The following ORMDL2 variants were observed in gnomAD, a reference collection of about 807,000 sequenced individuals.
The protein encoded by ORMDL2 is ORMDL sphingolipid biosynthesis regulator 2.
A neutral mutation model predicts 13.5 loss-of-function variants in ORMDL2; 11 were observed. That is an observed-to-expected ratio of 0.82 (90% CI 0.51 to 1.35). The LOEUF (loss-of-function observed/expected upper bound fraction) is 1.35. Ranked by LOEUF, ORMDL2 falls within the 40% of genes most tolerant of loss-of-function variation. The pLI is 0.00. For synonymous variants in ORMDL2, 73 were observed against 76.5 expected, an observed-to-expected ratio of 0.95 and a Z score of 0.24; for missense variants, 160 against 191.1, an observed-to-expected ratio of 0.84 and a Z score of 0.96.
In ORMDL2 at chr12:55,821,562, A is replaced by T. The variant is rs1880666427; in HGVS notation, c.*1167A>T. The T allele has an allele frequency of 6.5e-6, 1 of 154,830 alleles. No individual in the cohort carries two copies. Among genetic ancestry groups the T allele is most frequent in the Non-Finnish European group, 1.4e-5 (1 of 69,648 alleles). 9.6% of individuals were successfully genotyped at this position (154,830 alleles called of 1,614,324 possible). A position where few individuals can be genotyped will look rare whatever the true frequency, so the allele number is the denominator to read the frequency against. On this transcript the variant is annotated 3_prime_UTR_variant, in exon 4 of 4. Transcript: ENST00000243045. ...TTCTTTGGTATTGTCAAAAGACAAG[A>T]TTCAGGCCGGGCACAGTGGCTTATG...
chr12:55,820,483 TC>T lies in ORMDL2; in HGVS notation c.*89del. On this transcript the variant is annotated 3_prime_UTR_variant, in exon 4 of 4. Coordinates refer to ENST00000243045, the MANE Select transcript of ORMDL2 (RefSeq NM_014182.5). ...CATCCTTCTCTTATTCTCCATACTG[TC>T]TTCTACACCTTTAAAGCCTGAGAAC... The T allele has an allele frequency of 7.0e-7, 1 of 1,420,568 alleles. No individual in the cohort carries two copies. Among genetic ancestry groups the T allele is most frequent in the Non-Finnish European group, 1.0e-6 (1 of 1,003,714 alleles). 88.0% of individuals were successfully genotyped at this position (1,420,568 alleles called of 1,614,324 possible). A position where few individuals can be genotyped will look rare whatever the true frequency, so the allele number is the denominator to read the frequency against.
At chr12:55,819,515 G>T in intron 3 of ORMDL2, 22 bp downstream of exon 3, 8 of 1,608,250 alleles carry the variant, frequency 5.0e-6, no homozygotes, top group Non-Finnish European at 6.8e-6. Context: ...GGGGAAATGA[G>T]ATATGCTGGG....
Position 55,821,317 on chromosome 12 carries a change from T to C in ORMDL2, c.*922T>C, listed in dbSNP as rs1324180079. On this transcript the variant is annotated 3_prime_UTR_variant, in exon 4 of 4. Coordinates refer to ENST00000243045, the MANE Select transcript of ORMDL2 (RefSeq NM_014182.5). Reference sequence around the variant, plus strand: ...ATGCTTTCTTGTTCTCTTTTAAATATTATATCAGGATAAAGGAGAGGGCTC... The same window carrying C: ...ATGCTTTCTTGTTCTCTTTTAAATACTATATCAGGATAAAGGAGAGGGCTC... The C allele has an allele frequency of 6.6e-6, 1 of 152,608 alleles. No individual in the cohort carries two copies. The highest frequency in any genetic ancestry group is 2.4e-5 in the African/African-American group (1 of 41,444). The allele number at this position is 152,608 out of a possible 1,614,324, so 9.5% of individuals were successfully genotyped here.
Position 55,819,475 on chromosome 12 carries a change from G to A in ORMDL2, c.308G>A (p.Ser103Asn). 1 of 1,614,054 alleles carries A rather than the reference G, an allele frequency of 6.2e-7. No individual in the cohort carries two copies. Among genetic ancestry groups the A allele is most frequent in the East Asian group, 2.2e-5 (1 of 44,876 alleles). Residue 103 changes from serine to asparagine, a missense_variant, in exon 3 of 4, where the codon AGC (serine) becomes AAC (asparagine). Physicochemically the swap from Ser to Asn is conservative, Grantham distance 46. Transcript: ENST00000243045. ...LQFTSSRKFL[S>N]ISPIVLYLLA... ...TTTACCTCTTCCCGCAAGTTCCTCA[G>A]CATCTCTCCTATTGTGCTGTGAGTC... is the stretch of plus-strand genomic sequence containing the variant.
intron 2 of ORMDL2, 37 bp downstream of exon 2, chr12:55,819,210 G>A: frequency 1.3e-6 from 2 of 1,597,816 alleles, no homozygotes; most frequent in South Asian, 1.1e-5. Flanking sequence ...CCACCCCAGG[G>A]TTTCCCAACC....
In ORMDL2 at chr12:55,819,027, G is replaced by C. The variant is rs1338384892; in HGVS notation, c.28G>C (p.Val10Leu). 6.2e-7 allele frequency: 1 copy of C among 1,614,078 alleles called. No individual in the cohort carries two copies. Residue 10 changes from valine to leucine, a missense_variant, in exon 2 of 4, where the codon GTA becomes CTA. Coordinates refer to ENST00000243045, the MANE Select transcript of ORMDL2 (RefSeq NM_014182.5). Reference sequence around the variant, plus strand: ...GAATGTGGGGGTGGCACACAGCGAAGTAAACCCCAACACCCGAGTGATGAA... The same window carrying C: ...GAATGTGGGGGTGGCACACAGCGAACTAAACCCCAACACCCGAGTGATGAA... The part of the protein sequence containing the change: MNVGVAHSE[V>L]NPNTRVMNSR...
chr12:55,819,461 CCG>C lies in ORMDL2; in HGVS notation c.296_297del (p.Arg99GlnfsTer21), dbSNP rs1426383772. ...ACTATGGGCTCCAGTTTACCTCTTC[CCG>C]CAAGTTCCTCAGCATCTCTCCTATT... ...MDYGLQFTSS[R>X]KFLSISPIVL... On this transcript the variant is annotated frameshift_variant, in exon 3 of 4. Transcript: ENST00000243045. LOFTEE classifies it high-confidence loss of function. 4.3e-6 allele frequency: 7 copies of C among 1,614,110 alleles called. No individual in the cohort carries two copies. The highest frequency in any genetic ancestry group is 5.9e-6 in the Non-Finnish European group (7 of 1,180,012).
chr12:55,818,637 C>T (rs1346076573), intron 1 of ORMDL2: 3 of 215,380 alleles, frequency 1.4e-5, no homozygotes, highest in African/African-American at 6.8e-5. Context: ...TGACTTTCGC[C>T]TGGAATTCTG....
Position 55,819,481 on chromosome 12 carries a change from C to G in ORMDL2, c.314C>G (p.Ser105Cys), listed in dbSNP as rs370226848. The G allele has an allele frequency of 4.3e-6, 7 of 1,613,916 alleles. No homozygotes were observed. Among genetic ancestry groups the G allele is most frequent in the Non-Finnish European group, 5.9e-6 (7 of 1,179,974 alleles). ...FTSSRKFLSI[S>C]PIVLYLLASF... is the part of the protein sequence containing the mutation. Reference sequence around the variant, plus strand: ...TCTTCCCGCAAGTTCCTCAGCATCTCTCCTATTGTGCTGTGAGTCTATGGG... The same window carrying G: ...TCTTCCCGCAAGTTCCTCAGCATCTGTCCTATTGTGCTGTGAGTCTATGGG... The change falls in exon 3 of 4, where the codon TCT (serine) becomes TGT (cysteine). Residue 105 changes from serine (S) to cysteine (C), a missense_variant. By Grantham distance (112) the Ser-to-Cys change is moderately radical (BLOSUM62 -1). Coordinates refer to ENST00000243045, the MANE Select transcript of ORMDL2 (RefSeq NM_014182.5).
chr12:55,821,839 G>C lies in ORMDL2; in HGVS notation c.*1444G>C. On this transcript the variant is annotated 3_prime_UTR_variant, in exon 4 of 4. Transcript: ENST00000243045. The stretch of plus-strand genomic sequence containing the variant: ...ACCACTGCACTCCAGCTGGGCAACA[G>C]AGCAAGACTCCATCTCAAAAAATAA... The C allele has an allele frequency of 1.0e-6, 1 of 988,620 alleles. No individual in the cohort carries two copies. Among genetic ancestry groups the C allele is most frequent in the Non-Finnish European group, 1.5e-6 (1 of 684,422 alleles). 61.2% of individuals were successfully genotyped at this position (988,620 alleles called of 1,614,324 possible). A position where few individuals can be genotyped will look rare whatever the true frequency, so the allele number is the denominator to read the frequency against.
chr12:55,818,476 C>A (rs1880574615), intron 1 of ORMDL2: 1 of 198,924 alleles, frequency 5.0e-6, no homozygotes, highest in Non-Finnish European at 1.1e-5. Flanking sequence ...AAGTTGTTGT[C>A]GTGCCCCACG....
rs1382925038 is a variant in ORMDL2, at chr12:55,821,408, C to G, written c.*1013C>G. 6.5e-6 allele frequency: 1 copy of G among 152,676 alleles called. No homozygotes were observed. The highest frequency in any genetic ancestry group is 2.4e-5 in the African/African-American group (1 of 41,444). 9.5% of individuals were successfully genotyped at this position (152,676 alleles called of 1,614,324 possible). A position where few individuals can be genotyped will look rare whatever the true frequency, so the allele number is the denominator to read the frequency against. ...TTAAAAGGGTGGGAAAAAGTGTCATCTGCCCTAAAAGCAAATGACAAGACA... is the reference window on the plus strand; with the variant it reads ...TTAAAAGGGTGGGAAAAAGTGTCATGTGCCCTAAAAGCAAATGACAAGACA... On this transcript the variant is annotated 3_prime_UTR_variant, in exon 4 of 4. Transcript: ENST00000243045.
intron 1 of ORMDL2, 134 bp from the exon 2 acceptor site, chr12:55,818,865 G>T: frequency 4.3e-6 from 3 of 698,696 alleles, no homozygotes; most frequent in Non-Finnish European, 7.1e-6. Flanking sequence ...TTTATTTTCT[G>T]CGTGATGGGT....
intron 3 of ORMDL2, 99 bp downstream of exon 3, chr12:55,819,592 T>A: frequency 9.6e-7 from 1 of 1,038,948 alleles, no homozygotes; most frequent in South Asian, 1.5e-5. Context: ...AGACTTCTCA[T>A]CTAAAACCCT....
rs889834931 is a variant in ORMDL2, at chr12:55,821,870, A to G, written c.*1475A>G. The G allele has an allele frequency of 5.4e-5, 68 of 1,251,404 alleles. No individual in the cohort carries two copies. The East Asian group carries it at 1.3e-3, about 25-fold the overall frequency. The allele number at this position is 1,251,404 out of a possible 1,614,324, so 77.5% of individuals were successfully genotyped here. ...GACTCCATCTCAAAAAATAAAAAGA[A>G]AAAGATTCAGTTCCTAGGTGTTGGG... On this transcript the variant is annotated 3_prime_UTR_variant, in exon 4 of 4. Transcript: ENST00000243045.
chr12:55,819,351 G>C lies in ORMDL2; in HGVS notation c.184G>C (p.Val62Leu), dbSNP rs1479669062. 1 of 1,613,914 alleles carries C rather than the reference G, an allele frequency of 6.2e-7. No homozygotes were observed. Among genetic ancestry groups the C allele is most frequent in the Admixed American group, 1.7e-5 (1 of 59,980 alleles). The change falls in exon 3 of 4, where the codon GTC becomes CTC. Residue 62 changes from valine to leucine, a missense_variant. Transcript: ENST00000243045. ...CCTTCCCTGTTCCCAGGCTACGTAT[G>C]TCTTCCTTCATACGGTGAAAGGGAC... ...TNVIHNLATY[V>L]FLHTVKGTPF...
intron 3 of ORMDL2, 82 bp downstream of exon 3, chr12:55,819,575 A>G: frequency 1.6e-6 from 2 of 1,276,246 alleles, no homozygotes; most frequent in South Asian, 2.7e-5. Context: ...GGAAGCTGTT[A>G]AAAAGCAGAC....
chr12:55,820,619 A>G lies in ORMDL2; in HGVS notation c.*224A>G, dbSNP rs1365278679. Reference sequence around the variant, plus strand: ...TTGAATCAGGAAGGCAGGTGAGGTAAGGGCCAAATCACTCTCCTCCATAGC... The same window carrying G: ...TTGAATCAGGAAGGCAGGTGAGGTAGGGGCCAAATCACTCTCCTCCATAGC... On this transcript the variant is annotated 3_prime_UTR_variant, in exon 4 of 4. Coordinates refer to ENST00000243045, the MANE Select transcript of ORMDL2 (RefSeq NM_014182.5). 7 of 559,150 alleles carry G rather than the reference A, an allele frequency of 1.3e-5. No individual in the cohort carries two copies. Among genetic ancestry groups the G allele is most frequent in the Non-Finnish European group, 2.3e-5 (7 of 310,936 alleles). The allele number at this position is 559,150 out of a possible 1,614,324, so 34.6% of individuals were successfully genotyped here.
intron 1 of ORMDL2, chr12:55,818,583 G>C (rs1880576947): frequency 5.2e-6 from 1 of 190,676 alleles, no homozygotes; most frequent in South Asian, 8.9e-5. Context: ...ACCAGAGTGA[G>C]CTTTACTCTG....
Sources: gnomAD v4.1 joint callset for allele counts on GRCh38, gnomAD v4.1.1 for gene constraint, MANE v1.5 for transcripts, NCBI Gene and HGNC (gene_info 2026-07-23, HGNC 2026-07-21) for gene names.